NEGR1: variants seen among roughly 807,000 people sequenced by gnomAD.
The protein encoded by NEGR1 is IgLON family member 4.
A neutral mutation model predicts 40.9 loss-of-function variants in NEGR1; 10 were observed. The ratio of observed to expected loss-of-function variants is 0.24; its 90% CI spans 0.15 to 0.42. The LOEUF is 0.42. Among genes scored for constraint, NEGR1 ranks in the 10% least tolerant of loss-of-function variants. The probability of loss-of-function intolerance (pLI) is 1.00; values close to 1 mark genes in which losing one functional copy is unlikely to be tolerated. For synonymous variants in NEGR1, 185 were observed against 166.8 expected (o/e 1.11, Z -0.84); for missense variants, 352 against 438.9 (o/e 0.80, Z 1.77).
chr1:71,561,641 T>C (rs1047040129), intron 6 of NEGR1, among the ~76,000 whole-genome samples: 4 of 151,830 alleles, frequency 2.6e-5, no homozygotes, highest in East Asian at 1.9e-4. Context: ...AAGTTTTTTA[T>C]ATCATTGTTT....
chr1:72,006,979 A>T (rs780294426), intron 1 of NEGR1, among the ~76,000 whole-genome samples: 1 of 152,132 alleles, frequency 6.6e-6, no homozygotes, highest in Non-Finnish European at 1.5e-5. Flanking sequence ...GTATGTTTTA[A>T]TGAGGTTATA....
intron 1 of NEGR1, among the ~76,000 whole-genome samples, chr1:72,067,634 G>T (rs1392616492): frequency 1.3e-5 from 2 of 152,030 alleles, no homozygotes; most frequent in Non-Finnish European, 2.9e-5. Context: ...TGTCAATTTT[G>T]TTGTCCACTC....
chr1:71,709,614 G>A (rs1405096335), intron 3 of NEGR1, among the ~76,000 whole-genome samples: 1 of 152,114 alleles, frequency 6.6e-6, no homozygotes, highest in East Asian at 1.9e-4. Flanking sequence ...GAACAGTGGG[G>A]AAAAGGCAGT....
intron 2 of NEGR1, among the ~76,000 whole-genome samples, chr1:71,821,232 A>G (rs1570393614): frequency 6.6e-6 from 1 of 151,970 alleles, no homozygotes; most frequent in Admixed American, 6.6e-5. Context: ...CCATTAATCC[A>G]TTACATCAAT....
rs181896437 is a variant in NEGR1, at chr1:71,467,627, C to G, written c.941-60057G>C. 2.0e-5 allele frequency among the ~76,000 whole-genome samples: 3 copies of G among 152,088 alleles called. No individual in the cohort carries two copies. In the East Asian group the frequency reaches 5.8e-4, roughly 29 times the overall value. On this transcript the variant is annotated intron_variant, in intron 6 of 6. Transcript: ENST00000357731. ...TGTATGTCTTTCAGAATACTGTAAA[C>G]AGCAGCATAGACATTAGCTGAATCA...
chr1:72,204,515 A>G (rs1327951866), intron 1 of NEGR1, among the ~76,000 whole-genome samples: 1 of 152,162 alleles, frequency 6.6e-6, no homozygotes, highest in Non-Finnish European at 1.5e-5. Flanking sequence ...TGAAAAGTCA[A>G]GAATGCTGAG....
chr1:72,226,557 C>T (rs61765641), intron 1 of NEGR1, among the ~76,000 whole-genome samples: 2 of 151,912 alleles, frequency 1.3e-5, no homozygotes, highest in African/African-American at 2.4e-5. Flanking sequence ...TTACATTTGA[C>T]TTCATGTATA....
rs372281458 is a variant in NEGR1 at position 71,797,665 on chromosome 1, GT to G, written c.410-21369del. 2.4e-3 allele frequency among the ~76,000 whole-genome samples: 367 copies of G among 152,266 alleles called. 3 individuals are homozygous for G. Among genetic ancestry groups the G allele is most frequent in the African/African-American group, 7.7e-3 (319 of 41,568 alleles). Reference sequence around the variant, plus strand: ...CTTTATAGAACTAACATTAAATGCTGTTGGATTGAAGAGCTTAAGCAGTCTT... The same window carrying G: ...CTTTATAGAACTAACATTAAATGCTGTGGATTGAAGAGCTTAAGCAGTCTT... On this transcript the variant is annotated intron_variant, in intron 2 of 6. Coordinates refer to ENST00000357731, the MANE Select transcript of NEGR1 (RefSeq NM_173808.3).
chr1:71,412,722 G>A (rs1646331480), intron 6 of NEGR1, among the ~76,000 whole-genome samples: 1 of 152,124 alleles, frequency 6.6e-6, no homozygotes, highest in African/African-American at 2.4e-5. Flanking sequence ...TTTTTGAGGA[G>A]AAGAATGAAG....
chr1:71,599,264 C>T (rs1478945526), intron 5 of NEGR1, among the ~76,000 whole-genome samples: 1 of 152,038 alleles, frequency 6.6e-6, no homozygotes, highest in Non-Finnish European at 1.5e-5. Flanking sequence ...CATTTCCTCT[C>T]AGTTGGCAGA....
intron 1 of NEGR1, among the ~76,000 whole-genome samples, chr1:72,046,708 C>A (rs12039861): frequency 0.078 from 11,897 of 151,590 alleles, 647 homozygotes; most frequent in East Asian, 0.3. Flanking sequence ...AGAATTTTCA[C>A]TGAGTTCTAG....
At chr1:72,018,971 A>G (rs1321272532) in intron 1 of NEGR1, among the ~76,000 whole-genome samples, 1 of 152,178 alleles carries the variant, frequency 6.6e-6, no homozygotes, top group Non-Finnish European at 1.5e-5. Context: ...AGCAAGACCT[A>G]CCAAGAAATG....
intron 1 of NEGR1, among the ~76,000 whole-genome samples, chr1:72,010,838 C>T (rs190882980): frequency 2.0e-5 from 3 of 152,170 alleles, no homozygotes; most frequent in African/African-American, 7.2e-5. Flanking sequence ...CGTCATCATT[C>T]CCATAGTTAG....
intron 5 of NEGR1, among the ~76,000 whole-genome samples, chr1:71,593,940 C>A (rs1649595567): frequency 6.6e-6 from 1 of 152,106 alleles, no homozygotes; most frequent in Non-Finnish European, 1.5e-5. Context: ...ATATACAAGT[C>A]TTTTCAAAGC....
intron 6 of NEGR1, among the ~76,000 whole-genome samples, chr1:71,423,485 T>A (rs1290893252): frequency 6.6e-6 from 1 of 152,172 alleles, no homozygotes. Flanking sequence ...AAAATGATTG[T>A]CATTATTGCA....
intron 4 of NEGR1, among the ~76,000 whole-genome samples, chr1:71,645,660 T>A (rs1651505104): frequency 6.6e-6 from 1 of 151,848 alleles, no homozygotes; most frequent in African/African-American, 2.4e-5. Flanking sequence ...AGATTTAACA[T>A]CTTTTGGAGG....
intron 2 of NEGR1, among the ~76,000 whole-genome samples, chr1:71,783,050 A>G (rs1024794584): frequency 1.1e-4 from 17 of 152,018 alleles, no homozygotes; most frequent in African/African-American, 4.1e-4. Flanking sequence ...TTTGACTCTA[A>G]TAGTATGTAT....
At chr1:71,842,931 G>A (rs1168127282) in intron 2 of NEGR1, among the ~76,000 whole-genome samples, 1 of 152,096 alleles carries the variant, frequency 6.6e-6, no homozygotes, top group Non-Finnish European at 1.5e-5. Context: ...TTATCATTGG[G>A]GAGATAGAGG....
At chr1:71,965,761 A>G (rs1646204830) in intron 1 of NEGR1, among the ~76,000 whole-genome samples, 1 of 152,220 alleles carries the variant, frequency 6.6e-6, no homozygotes, top group South Asian at 2.1e-4. Context: ...CAATTAGGAA[A>G]TGAATATGAA....
Sources: gnomAD v4.1 joint callset for allele counts (sites outside exome capture counted in the v4.1 genomes callset) on GRCh38, gnomAD v4.1.1 for gene constraint, MANE v1.5 for transcripts, NCBI Gene and HGNC (gene_info 2026-07-23, HGNC 2026-07-21) for gene names.